Variants in AJAP1 observed in about 807,000 individuals in gnomAD.
The protein encoded by AJAP1 is adherens junctions associated protein 1.
Under a neutral mutation model 35.0 loss-of-function variants are expected in AJAP1, and 5 were observed. The observed-to-expected ratio is 0.14, with a 90% CI of 0.07 to 0.30. The LOEUF is 0.30. Among genes scored for constraint, AJAP1 ranks in the 10% least tolerant of loss-of-function variants. The pLI is 1.00. For synonymous variants in AJAP1, 284 were observed against 249.3 expected, an observed-to-expected ratio of 1.14 and a Z score of -1.31; for missense variants, 586 against 571.0, an observed-to-expected ratio of 1.03 and a Z score of -0.27.
chr1:4,730,360 G>T (rs1640769608), intron 2 of AJAP1, among the ~76,000 whole-genome samples: 2 of 152,212 alleles, frequency 1.3e-5, no homozygotes, highest in African/African-American at 4.8e-5. Context: ...AGGCAGAGCA[G>T]CTCGGCACAG....
At chr1:4,772,559 G>T (rs774908542) in intron 4 of AJAP1, 34 bp downstream of exon 4, 25 of 1,605,434 alleles carry the variant, frequency 1.6e-5, no homozygotes, top group Non-Finnish European at 2.0e-5. Flanking sequence ...CTGCAGCTGT[G>T]AAGCTCTTGG....
intron 1 of AJAP1, among the ~76,000 whole-genome samples, chr1:4,702,324 C>T (rs1379220934): frequency 2.0e-5 from 3 of 152,184 alleles, no homozygotes; most frequent in Non-Finnish European, 2.9e-5. Flanking sequence ...TTGAATCAGG[C>T]CACTCCATTT....
intron 3 of AJAP1, 38 bp from the exon 4 acceptor site, chr1:4,772,242 T>C: frequency 6.2e-7 from 1 of 1,610,156 alleles, no homozygotes; most frequent in South Asian, 1.1e-5. Context: ...GTTTCCGGCC[T>C]CTGCCCGTCC....
intron 2 of AJAP1, among the ~76,000 whole-genome samples, chr1:4,722,768 G>C (rs575532085): frequency 2.0e-4 from 31 of 152,294 alleles, no homozygotes; most frequent in African/African-American, 7.5e-4. Context: ...TGTCTTCTAA[G>C]GACACTTGTC....
chr1:4,660,836 G>A (rs1259370266), intron 1 of AJAP1, among the ~76,000 whole-genome samples: 1 of 152,134 alleles, frequency 6.6e-6, no homozygotes, highest in Admixed American at 6.5e-5. Context: ...ATCCATCATC[G>A]GTGACAGTAA....
intron 1 of AJAP1, among the ~76,000 whole-genome samples, chr1:4,694,409 CCATT>C (rs1639812296): frequency 1.3e-5 from 2 of 152,168 alleles, no homozygotes; most frequent in Non-Finnish European, 2.9e-5. Flanking sequence ...TGTCACCTCA[CCATT>C]CATTCATTCA....
intron 2 of AJAP1, among the ~76,000 whole-genome samples, chr1:4,721,862 C>G (rs12135881): frequency 0.028 from 4,256 of 152,332 alleles, 135 homozygotes; most frequent in East Asian, 0.17. Context: ...ATATAGTGTC[C>G]TAACTGTGCT....
At position 4,778,571 on chromosome 1, in the gene AJAP1, A is replaced by ATCTCTCTCTCTCTCTCTC. The variant is rs141390632; in HGVS notation, c.*60-3948_*60-3931dup. Among the ~76,000 whole-genome samples, 55 of 142,886 alleles carry ATCTCTCTCTCTCTCTCTC rather than the reference A, an allele frequency of 3.8e-4. 2 individuals carry two copies. The highest frequency in any genetic ancestry group is 1.2e-3 in the African/African-American group (46 of 38,130). 93.7% of individuals were successfully genotyped at this position (142,886 alleles called of 152,430 possible). ...TCATTCAAGGTGCAGGATTGGCGCC[A>ATCTCTCTCTCTCTCTCTC]TCTCTCTCTCTCTCTCTCTCTCTCT... On this transcript the variant is annotated intron_variant, in intron 5 of 5. Coordinates refer to ENST00000378191, the MANE Select transcript of AJAP1 (RefSeq NM_018836.4).
At chr1:4,696,514 C>T (rs574197771) in intron 1 of AJAP1, among the ~76,000 whole-genome samples, 5 of 152,336 alleles carry the variant, frequency 3.3e-5, no homozygotes, top group Admixed American at 1.3e-4. Context: ...GACGGGCAGC[C>T]GCCAGGGCAG....
At chr1:4,670,230 C>T (rs1372213927) in intron 1 of AJAP1, among the ~76,000 whole-genome samples, 3 of 152,100 alleles carry the variant, frequency 2.0e-5, no homozygotes, top group Admixed American at 2.0e-4. Context: ...CTGTGGCAGC[C>T]GGTCTGTCTT....
rs1642116057 is a variant in AJAP1, at chr1:4,783,790, T to TA, written c.*1306dup. ...TCCAAAAATTAAAGGAATATATCCT[T>TA]ATGATGTGTGTGTGTAATATCAGGG... is the stretch of plus-strand genomic sequence containing the variant. On this transcript the variant is annotated 3_prime_UTR_variant, in exon 6 of 6. Coordinates refer to ENST00000378191, the MANE Select transcript of AJAP1 (RefSeq NM_018836.4). The TA allele has an allele frequency of 6.6e-6, 1 of 151,794 alleles. No homozygotes were observed. Among genetic ancestry groups the TA allele is most frequent in the African/African-American group, 2.4e-5 (1 of 41,312 alleles). 9.4% of individuals were successfully genotyped at this position (151,794 alleles called of 1,614,324 possible).
chr1:4,763,396 G>A (rs555661979), intron 2 of AJAP1, among the ~76,000 whole-genome samples: 41 of 152,336 alleles, frequency 2.7e-4, no homozygotes, highest in East Asian at 7.7e-4. Flanking sequence ...GTCCCAAGCC[G>A]GAAGGACTTC....
chr1:4,735,721 T>C (rs193129676), intron 2 of AJAP1, among the ~76,000 whole-genome samples: 79 of 152,288 alleles, frequency 5.2e-4, no homozygotes, highest in Admixed American at 7.8e-4. Context: ...GCTTGACTCA[T>C]GCAGTGCAGC....
At chr1:4,687,303 A>G (rs1263969350) in intron 1 of AJAP1, among the ~76,000 whole-genome samples, 1 of 152,212 alleles carries the variant, frequency 6.6e-6, no homozygotes, top group African/African-American at 2.4e-5. Context: ...ATGGGTTTCC[A>G]CAATCTCCCA....
At chr1:4,676,233 A>C (rs1295503219) in intron 1 of AJAP1, among the ~76,000 whole-genome samples, 2 of 152,160 alleles carry the variant, frequency 1.3e-5, no homozygotes, top group African/African-American at 4.8e-5. Flanking sequence ...CGATTTCCTC[A>C]TCTTCCATGT....
At chr1:4,664,853 A>G (rs575574103) in intron 1 of AJAP1, among the ~76,000 whole-genome samples, 15 of 152,280 alleles carry the variant, frequency 9.9e-5, no homozygotes, top group Admixed American at 9.8e-4. Flanking sequence ...GGGTGAAGCA[A>G]TCACCCACGG....
In AJAP1 at chr1:4,769,098, C is replaced by A. The variant is rs889742612; in HGVS notation, c.830-755C>A. ...TTCTGAAGTGGCTGGTCCTTCTGTCCCTGTCCTGCCGATTCCAGTGCCCCC... is the reference window on the plus strand; with the variant it reads ...TTCTGAAGTGGCTGGTCCTTCTGTCACTGTCCTGCCGATTCCAGTGCCCCC... On this transcript the variant is annotated intron_variant, in intron 2 of 5. Transcript: ENST00000378191. 3.3e-5 allele frequency among the ~76,000 whole-genome samples: 5 copies of A among 152,224 alleles called. No homozygotes were observed. In the East Asian group the frequency reaches 5.8e-4, roughly 18 times the overall value.
chr1:4,736,373 C>T (rs1368100278), intron 2 of AJAP1, among the ~76,000 whole-genome samples: 2 of 152,220 alleles, frequency 1.3e-5, no homozygotes, highest in Non-Finnish European at 2.9e-5. Flanking sequence ...GCGCAGCCCT[C>T]CCTTTCCCAC....
chr1:4,754,211 ATTCTAT>A (rs201437559), intron 2 of AJAP1, among the ~76,000 whole-genome samples: 2,409 of 152,336 alleles, frequency 0.016, 66 homozygotes, highest in South Asian at 0.12. Context: ...GTTATTTGAA[ATTCTAT>A]TTCTAGTGTC....
Sources: allele counts gnomAD v4.1 joint callset (sites outside exome capture counted in the v4.1 genomes callset), GRCh38; gene constraint gnomAD v4.1.1; transcripts MANE v1.5; gene names NCBI Gene and HGNC (gene_info 2026-07-23, HGNC 2026-07-21).